Variants in ANKS1B observed in about 807,000 individuals in gnomAD.
The protein encoded by ANKS1B is ankyrin repeat and sterile alpha motif domain containing 1B.
ANKS1B carries 36 observed loss-of-function variants against 148.3 expected under a neutral mutation model. The ratio of observed to expected loss-of-function variants is 0.24; its 90% CI spans 0.19 to 0.32. ANKS1B has a LOEUF of 0.32. Ranked by LOEUF, ANKS1B falls within the 10% of genes least tolerant of loss-of-function variation. ANKS1B has a pLI of 1.00. For missense variants in ANKS1B, 1,157 were observed against 1,542.6 expected, an observed-to-expected ratio of 0.75 and a Z score of 4.19; for synonymous variants, 542 against 560.8, an observed-to-expected ratio of 0.97 and a Z score of 0.47.
chr12:99,581,897 C>CAAAA (rs369048602), intron 9 of ANKS1B, among the ~76,000 whole-genome samples: 9 of 60,748 alleles, frequency 1.5e-4, no homozygotes, highest in Non-Finnish European at 2.8e-4. Flanking sequence ...GACTCCGTCT[C>CAAAA]AAAAAAAAAA....
intron 8 of ANKS1B, among the ~76,000 whole-genome samples, chr12:99,765,153 G>A (rs769636856): frequency 6.6e-6 from 1 of 152,052 alleles, no homozygotes; most frequent in Non-Finnish European, 1.5e-5. Flanking sequence ...TTACCTTTTG[G>A]GCAACTGACT....
intron 17 of ANKS1B, among the ~76,000 whole-genome samples, chr12:98,882,142 A>G (rs2099709595): frequency 1.3e-5 from 2 of 152,118 alleles, no homozygotes; most frequent in Non-Finnish European, 2.9e-5. Context: ...TACTACTGTG[A>G]TTTTTTCAGT....
At chr12:99,480,696 T>C (rs1242562768) in intron 10 of ANKS1B, among the ~76,000 whole-genome samples, 6 of 151,858 alleles carry the variant, frequency 4.0e-5, no homozygotes, top group Non-Finnish European at 8.8e-5. Flanking sequence ...ATAAGTTACA[T>C]ATGACATTAT....
chr12:99,138,915 CTCTCCCTT>C (rs1460376772), intron 15 of ANKS1B, among the ~76,000 whole-genome samples: 1 of 151,762 alleles, frequency 6.6e-6, no homozygotes, highest in East Asian at 2.0e-4. Flanking sequence ...CTTTCTTTGT[CTCTCCCTT>C]TCTCCCTTTC....
At chr12:99,807,853 A>T (rs1205690252) in intron 3 of ANKS1B, among the ~76,000 whole-genome samples, 1 of 152,124 alleles carries the variant, frequency 6.6e-6, no homozygotes, top group Non-Finnish European at 1.5e-5. Context: ...CCAAAATAGG[A>T]ACTATTACTA....
At chr12:98,939,473 T>C (rs2099831755) in intron 17 of ANKS1B, among the ~76,000 whole-genome samples, 1 of 152,226 alleles carries the variant, frequency 6.6e-6, no homozygotes, top group African/African-American at 2.4e-5. Context: ...GAATAAATAT[T>C]TCCAAGCACT....
At chr12:99,113,326 G>C (rs1371269241) in intron 15 of ANKS1B, among the ~76,000 whole-genome samples, 2 of 152,146 alleles carry the variant, frequency 1.3e-5, no homozygotes, top group Non-Finnish European at 1.5e-5. Flanking sequence ...AGACTCTGCC[G>C]TTTGATATGA....
intron 12 of ANKS1B, among the ~76,000 whole-genome samples, chr12:99,348,333 T>C (rs537601342): frequency 1.3e-5 from 2 of 151,918 alleles, no homozygotes; most frequent in East Asian, 3.9e-4. Context: ...TATATTCTTC[T>C]TGATAGTTAC....
At chr12:99,740,177 G>A (rs2059957870) in intron 8 of ANKS1B, among the ~76,000 whole-genome samples, 1 of 152,080 alleles carries the variant, frequency 6.6e-6, no homozygotes, top group Non-Finnish European at 1.5e-5. Flanking sequence ...TGGCCATGGT[G>A]GCACACACTT....
chr12:99,557,303 GC>G (rs765719136), intron 9 of ANKS1B, among the ~76,000 whole-genome samples: 10 of 152,136 alleles, frequency 6.6e-5, no homozygotes, highest in Admixed American at 1.3e-4. Context: ...TTTCAGAGAT[GC>G]CAATGGGTCA....
chr12:99,069,210 C>A (rs559948248), intron 16 of ANKS1B, among the ~76,000 whole-genome samples: 116 of 152,256 alleles, frequency 7.6e-4, no homozygotes, highest in African/African-American at 2.8e-3. Context: ...CTTTCATCTA[C>A]CTCTGAGCCT....
At chr12:99,593,177 C>T (rs1443001744) in intron 9 of ANKS1B, among the ~76,000 whole-genome samples, 3 of 151,940 alleles carry the variant, frequency 2.0e-5, no homozygotes, top group Admixed American at 6.6e-5. Context: ...TGGCCAGAAC[C>T]AGCTTTTCAG....
chr12:99,820,670 T>C (rs564100920), intron 2 of ANKS1B, among the ~76,000 whole-genome samples: 36 of 152,102 alleles, frequency 2.4e-4, no homozygotes, highest in Non-Finnish European at 4.4e-4. Context: ...TGAGATACAG[T>C]CTATGACATT....
At chr12:99,066,152 C>T (rs369502586) in intron 16 of ANKS1B, among the ~76,000 whole-genome samples, 11 of 151,950 alleles carry the variant, frequency 7.2e-5, no homozygotes, top group East Asian at 3.9e-4. Flanking sequence ...TCTATCGCTA[C>T]TAAAATACAA....
chr12:99,702,922 T>G (rs1466063504), intron 8 of ANKS1B, among the ~76,000 whole-genome samples: 2 of 152,074 alleles, frequency 1.3e-5, no homozygotes, highest in Non-Finnish European at 2.9e-5. Flanking sequence ...GATTTAAGTC[T>G]TTAATCCACT....
chr12:99,463,281 T>A (rs1359816246), intron 10 of ANKS1B, among the ~76,000 whole-genome samples: 1 of 152,214 alleles, frequency 6.6e-6, no homozygotes, highest in Non-Finnish European at 1.5e-5. Flanking sequence ...GACAAGATAT[T>A]CACAAGCTTA....
intron 17 of ANKS1B, among the ~76,000 whole-genome samples, chr12:99,010,901 G>GTTT (rs1309326368): frequency 1.6e-4 from 8 of 51,298 alleles, no homozygotes; most frequent in Non-Finnish European, 1.9e-4. Context: ...GTGAGCTTTT[G>GTTT]TTTTTTTTTT....
intron 6 of ANKS1B, among the ~76,000 whole-genome samples, chr12:99,778,013 A>G (rs2063845492): frequency 6.6e-6 from 1 of 151,636 alleles, no homozygotes; most frequent in African/African-American, 2.4e-5. Flanking sequence ...CCTGGCTAAC[A>G]TCGTGAAACT....
At chr12:99,347,299 G>T (rs911043781) in intron 12 of ANKS1B, among the ~76,000 whole-genome samples, 2 of 152,020 alleles carry the variant, frequency 1.3e-5, no homozygotes, top group African/African-American at 4.8e-5. Flanking sequence ...GCTGGGAAGT[G>T]AGATGCTTGG....
Sources: allele counts gnomAD v4.1 joint callset (sites outside exome capture counted in the v4.1 genomes callset), GRCh38; gene constraint gnomAD v4.1.1; transcripts MANE v1.5; gene names NCBI Gene and HGNC (gene_info 2026-07-23, HGNC 2026-07-21).